GRHL1: variants seen among roughly 807,000 people sequenced by gnomAD.
The protein encoded by GRHL1 is grainyhead like transcription factor 1, also known as grainyhead-like protein 1 homolog.
A neutral mutation model predicts 75.7 loss-of-function variants in GRHL1; 38 were observed. The observed-to-expected ratio is 0.50, with a 90% confidence interval of 0.39 to 0.66. GRHL1 has a LOEUF of 0.66. Ranked by LOEUF, GRHL1 falls within the 30% of genes least tolerant of loss-of-function variation. The pLI is 0.00. For missense variants in GRHL1, 589 were observed against 767.5 expected (o/e 0.77, Z 2.75); for synonymous variants, 266 against 279.4 (o/e 0.95, Z 0.48).
chr2:9,971,593 G>A (rs1009183764), intron 8 of GRHL1, among the ~76,000 whole-genome samples: 14 of 152,176 alleles, frequency 9.2e-5, no homozygotes, highest in African/African-American at 1.4e-4. Context: ...ATTGAGATTC[G>A]TTTGATCCCA....
chr2:9,953,045 C>G (rs1204774589), intron 1 of GRHL1: 2 of 456,632 alleles, frequency 4.4e-6, no homozygotes, highest in Admixed American at 2.3e-5. Flanking sequence ...AGGAAGTGGA[C>G]TAAGAAAGGC....
intron 14 of GRHL1, 26 bp from the exon 15 acceptor site, chr2:9,998,939 G>T: frequency 7.7e-7 from 1 of 1,293,368 alleles, no homozygotes; most frequent in Non-Finnish European, 1.1e-6. Flanking sequence ...ACAGGGTTTT[G>T]TAATTATTTT....
intron 1 of GRHL1, chr2:9,953,180 C>T (rs1666867914): frequency 4.8e-6 from 2 of 416,630 alleles, no homozygotes; most frequent in South Asian, 3.4e-5. Flanking sequence ...AAACATAAAG[C>T]CATTTCTTTC....
chr2:10,000,785 C>G lies in GRHL1; in HGVS notation c.*78C>G. 1 of 773,978 alleles carries G rather than the reference C, an allele frequency of 1.3e-6. No individual in the cohort carries two copies. Among genetic ancestry groups the G allele is most frequent in the Non-Finnish European group, 2.3e-6 (1 of 440,992 alleles). 47.9% of individuals were successfully genotyped at this position (773,978 alleles called of 1,614,324 possible). A position where few individuals can be genotyped will look rare whatever the true frequency, so the allele number is the denominator to read the frequency against. ...TACGGTTTGGCAACTGCAGGTAACC[C>G]CAGTCAGCCATGTCGCCAGCACAGG... On this transcript the variant is annotated 3_prime_UTR_variant, in exon 16 of 16. Coordinates refer to ENST00000324907, the MANE Select transcript of GRHL1 (RefSeq NM_198182.3).
rs1383884031 is a variant in GRHL1, at chr2:9,992,619, T to A, written c.1461+473T>A. On this transcript the variant is annotated intron_variant, in intron 11 of 15. Coordinates refer to ENST00000324907, the MANE Select transcript of GRHL1 (RefSeq NM_198182.3). The surrounding 1 kb of genome is among the most constrained non-coding windows in gnomAD (Gnocchi z 4.6). ...TGTCTTGGCAACTAAAACTAAATTT[T>A]AAAAAATGGTCACGCCCTGTTTTGT... Among the ~76,000 whole-genome samples, 1 of 152,198 alleles carries A rather than the reference T, an allele frequency of 6.6e-6. No individual in the cohort carries two copies. Among genetic ancestry groups the A allele is most frequent in the Non-Finnish European group, 1.5e-5 (1 of 68,022 alleles).
chr2:9,974,867 A>G (rs1667882479), intron 8 of GRHL1, among the ~76,000 whole-genome samples: 1 of 152,228 alleles, frequency 6.6e-6, no homozygotes, highest in Non-Finnish European at 1.5e-5. Context: ...GCCTGACCTC[A>G]GAGGAGATTA....
intron 6 of GRHL1, 39 bp downstream of exon 6, chr2:9,964,081 G>T (rs1428790841): frequency 1.9e-6 from 3 of 1,584,084 alleles, no homozygotes; most frequent in African/African-American, 1.3e-5. Context: ...AGGAAAGCTA[G>T]TCAGAGCCTA....
chr2:9,998,898 A>ATGTACACACATATATACG (rs1669139536), intron 14 of GRHL1, 67 bp from the exon 15 acceptor site: 2 of 456,150 alleles, frequency 4.4e-6, no homozygotes, highest in Non-Finnish European at 7.8e-6. Flanking sequence ...ACATATATAT[A>ATGTACACACATATATACG]TATTTGTTGT....
chr2:9,989,812 A>C (rs556905675), intron 9 of GRHL1, among the ~76,000 whole-genome samples: 2 of 152,226 alleles, frequency 1.3e-5, no homozygotes, highest in East Asian at 3.9e-4. Flanking sequence ...GGCCTCCCAA[A>C]ATGCTGGGAT....
intron 12 of GRHL1, among the ~76,000 whole-genome samples, chr2:9,993,904 G>A (rs1022416089): frequency 9.2e-5 from 14 of 152,114 alleles, no homozygotes; most frequent in African/African-American, 3.4e-4. Context: ...CAGTTTACTC[G>A]TTCATTTATT....
intron 1 of GRHL1, among the ~76,000 whole-genome samples, chr2:9,953,736 T>G (rs958606635): frequency 4.6e-4 from 70 of 152,240 alleles, no homozygotes; most frequent in Non-Finnish European, 4.3e-4. Flanking sequence ...TGTTGATTAC[T>G]TGAAAAGATA....
chr2:9,970,791 G>A (rs1370041195), intron 8 of GRHL1, among the ~76,000 whole-genome samples: 3 of 152,204 alleles, frequency 2.0e-5, no homozygotes, highest in Non-Finnish European at 2.9e-5. Flanking sequence ...AAGGAACTCC[G>A]AGGCCTTTGG....
At position 9,955,254 on chromosome 2, in the gene GRHL1, G is replaced by A. The variant is rs575075084; in HGVS notation, c.207+153G>A. On this transcript the variant is annotated intron_variant, in intron 2 of 15. Coordinates refer to ENST00000324907, the MANE Select transcript of GRHL1 (RefSeq NM_198182.3). ...TGAGTACTTTGACTTACTGTGATTC[G>A]AAGCTAAAAATCTGTGATTGTAGAA... Among the ~76,000 whole-genome samples, 415 of 152,334 alleles carry A rather than the reference G, an allele frequency of 2.7e-3. 1 individual carries two copies. Among genetic ancestry groups the A allele is most frequent in the Admixed American group, 9.3e-3 (143 of 15,314 alleles).
At chr2:9,995,133 C>T (rs990411289) in intron 12 of GRHL1, among the ~76,000 whole-genome samples, 1 of 152,168 alleles carries the variant, frequency 6.6e-6, no homozygotes, top group African/African-American at 2.4e-5. Flanking sequence ...GTCGGCTTCC[C>T]GAAATTTCTA....
rs1491413193 is a variant in GRHL1 at position 9,998,863 on chromosome 2, CGT to C, written c.1678-101_1678-100del. 1.6e-4 allele frequency: 19 copies of C among 120,740 alleles called. 5 individuals are homozygous for C. Among genetic ancestry groups the C allele is most frequent in the African/African-American group, 1.1e-3 (7 of 6,508 alleles). 7.5% of individuals were successfully genotyped at this position (120,740 alleles called of 1,614,324 possible). A position where few individuals can be genotyped will look rare whatever the true frequency, so the allele number is the denominator to read the frequency against. ...GTATATATATGTACACATATATATA[CGT>C]ATATATATGTACACATATATATACA... is the stretch of plus-strand genomic sequence containing the variant. On this transcript the variant is annotated intron_variant, in intron 14 of 15. Coordinates refer to ENST00000324907, the MANE Select transcript of GRHL1 (RefSeq NM_198182.3).
chr2:9,972,649 A>G (rs764893302), intron 8 of GRHL1, among the ~76,000 whole-genome samples: 4 of 152,062 alleles, frequency 2.6e-5, no homozygotes, highest in Non-Finnish European at 5.9e-5. Context: ...TTTCTGGCCC[A>G]TGGGCCTGCC....
intron 8 of GRHL1, among the ~76,000 whole-genome samples, chr2:9,972,830 C>T (rs757568913): frequency 1.3e-5 from 2 of 152,152 alleles, no homozygotes; most frequent in Non-Finnish European, 2.9e-5. Flanking sequence ...CTTACAGGAC[C>T]GTGACACAGG....
At chr2:9,986,548 C>G (rs577839837) in intron 9 of GRHL1, among the ~76,000 whole-genome samples, 7 of 151,758 alleles carry the variant, frequency 4.6e-5, no homozygotes, top group African/African-American at 1.4e-4. Context: ...TTCCCAGTAG[C>G]TGGGATTACA....
intron 14 of GRHL1, 121 bp from the exon 15 acceptor site, chr2:9,998,844 A>ATATGTACACATAT: frequency 1.4e-5 from 2 of 141,014 alleles, no homozygotes; most frequent in Non-Finnish European, 2.3e-5. Context: ...ATACGTATAT[A>ATATGTACACATAT]TATGTACACA....
Sources: allele counts gnomAD v4.1 joint callset (sites outside exome capture counted in the v4.1 genomes callset), GRCh38; gene constraint gnomAD v4.1.1; non-coding constraint Gnocchi (gnomAD v3.1); transcripts MANE v1.5; gene names NCBI Gene and HGNC (gene_info 2026-07-23, HGNC 2026-07-21).